The following ESYT3 variants were observed in gnomAD, a reference collection of about 807,000 sequenced individuals.
ESYT3 encodes the protein extended synaptotagmin 3.
In ESYT3, 101 loss-of-function variants were observed where a neutral mutation model predicts 111.5. The observed-to-expected ratio is 0.91, with a 90% CI of 0.77 to 1.07. The LOEUF (loss-of-function observed/expected upper bound fraction) is 1.07. Ranked by LOEUF, ESYT3 falls within the 50% of genes least tolerant of loss-of-function variation. The pLI is 0.00. For missense variants in ESYT3, 1,097 were observed against 1,109.4 expected (o/e 0.99, Z 0.16); for synonymous variants, 416 against 446.8 (o/e 0.93, Z 0.87).
At chr3:138,454,106 T>C (rs1373208016) in intron 2 of ESYT3, among the ~76,000 whole-genome samples, 6 of 152,214 alleles carry the variant, frequency 3.9e-5, no homozygotes, top group Admixed American at 3.9e-4. Flanking sequence ...AACATTAAAA[T>C]GCGTGGTGGT....
rs1576469633 is a variant in ESYT3 at position 138,473,641 on chromosome 3, G to A, written c.2336+7G>A. ...TGCTAATCAATGGCTGCAGGTAAAGGGATTCTAGGGCCAGGGAGGTCCTTT... is the reference window on the plus strand; with the variant it reads ...TGCTAATCAATGGCTGCAGGTAAAGAGATTCTAGGGCCAGGGAGGTCCTTT... On this transcript the variant is annotated splice_region_variant and intron_variant, in intron 19 of 22. Coordinates refer to ENST00000389567, the MANE Select transcript of ESYT3 (RefSeq NM_031913.5). 1 of 1,612,138 alleles carries A rather than the reference G, an allele frequency of 6.2e-7. No individual in the cohort carries two copies. The highest frequency in any genetic ancestry group is 2.2e-5 in the East Asian group (1 of 44,824).
intron 1 of ESYT3, among the ~76,000 whole-genome samples, chr3:138,451,533 G>A (rs1211024447): frequency 6.6e-6 from 1 of 152,250 alleles, no homozygotes; most frequent in Non-Finnish European, 1.5e-5. Context: ...TTTGCAAGGA[G>A]CAACCTGTGT....
At chr3:138,448,081 C>T (rs1168457210) in intron 1 of ESYT3, among the ~76,000 whole-genome samples, 2 of 151,748 alleles carry the variant, frequency 1.3e-5, no homozygotes, top group Non-Finnish European at 2.9e-5. Flanking sequence ...GCCTGGCCAA[C>T]ATGGTGAAAC....
At chr3:138,468,545 T>C (rs1038404459) in intron 12 of ESYT3, 110 bp from the exon 13 acceptor site, 59 of 1,085,034 alleles carry the variant, frequency 5.4e-5, no homozygotes, top group Non-Finnish European at 7.7e-5. Context: ...GCAGCTAGTC[T>C]GGAGTGTGAA....
At chr3:138,460,448 C>T (rs1433620134) in intron 6 of ESYT3, among the ~76,000 whole-genome samples, 163 bp from the exon 7 acceptor site, 1 of 152,184 alleles carries the variant, frequency 6.6e-6, no homozygotes, top group Non-Finnish European at 1.5e-5. Flanking sequence ...GTGGCCTCGC[C>T]TGCCTGACAC....
chr3:138,474,119 T>A (rs992576430), intron 19 of ESYT3, 102 bp from the exon 20 acceptor site: 44 of 1,458,334 alleles, frequency 3.0e-5, no homozygotes, highest in Non-Finnish European at 3.8e-5. Flanking sequence ...TCTCAAATGT[T>A]TGAAGTGTTT....
Position 138,455,250 on chromosome 3 carries a change from G to T in ESYT3, c.426G>T (p.Glu142Asp). The part of the protein sequence containing the change: ...LSMIMESKFR[E>D]KLEPKIREKS... ...TGATCATGGAAAGCAAGTTCCGGGA[G>T]AAACTTGAGCCCAAGATCCGAGAGA... Residue 142 changes from glutamate to aspartate, a missense_variant, in exon 3 of 23, where the codon GAG becomes GAT. By Grantham distance (45) the Glu-to-Asp change is conservative (BLOSUM62 2). Coordinates refer to ENST00000389567, the MANE Select transcript of ESYT3 (RefSeq NM_031913.5). 1 of 1,614,168 alleles carries T rather than the reference G, an allele frequency of 6.2e-7. No individual in the cohort carries two copies. The highest frequency in any genetic ancestry group is 8.5e-7 in the Non-Finnish European group (1 of 1,180,030).
rs2033567276 is a variant in ESYT3, at chr3:138,478,057, T to G, written c.*1203T>G. 6.6e-6 allele frequency: 1 copy of G among 152,202 alleles called. No homozygotes were observed. Among genetic ancestry groups the G allele is most frequent in the Non-Finnish European group, 1.5e-5 (1 of 68,034 alleles). The allele number at this position is 152,202 out of a possible 1,614,324, so 9.4% of individuals were successfully genotyped here. A position where few individuals can be genotyped will look rare whatever the true frequency, so the allele number is the denominator to read the frequency against. ...TCTCAAACCTATTTCCTCTATTAAG[T>G]AAGTCAGTCAATCCATAGTGAAATG... is the stretch of plus-strand genomic sequence containing the variant. On this transcript the variant is annotated 3_prime_UTR_variant, in exon 23 of 23. Transcript: ENST00000389567.
At chr3:138,457,714 T>C in intron 4 of ESYT3, 70 bp downstream of exon 4, 1 of 1,409,994 alleles carries the variant, frequency 7.1e-7, no homozygotes, top group South Asian at 1.2e-5. Context: ...AGTTTGAAGA[T>C]GGAGTAGTAT....
chr3:138,448,825 C>T (rs1307563694), intron 1 of ESYT3, among the ~76,000 whole-genome samples: 1 of 152,186 alleles, frequency 6.6e-6, no homozygotes, highest in Admixed American at 6.5e-5. Flanking sequence ...GCTCTTGCAC[C>T]TCGGCTCACT....
chr3:138,450,314 A>G (rs554858393), intron 1 of ESYT3, among the ~76,000 whole-genome samples: 1 of 152,270 alleles, frequency 6.6e-6, no homozygotes, highest in African/African-American at 2.4e-5. Context: ...CTTGCCTTCC[A>G]TTTGCCTGGT....
rs990142990 is a variant in ESYT3 at position 138,435,811 on chromosome 3, A to G, written c.327+686A>G. ...GTCCTGGCTTACCTAACAAAACCCA[A>G]GTTCTGGGCCCCATTGCATAACTCC... On this transcript the variant is annotated intron_variant, in intron 1 of 22. Coordinates refer to ENST00000389567, the MANE Select transcript of ESYT3 (RefSeq NM_031913.5). The surrounding 1 kb of genome is among the most constrained non-coding windows in gnomAD (Gnocchi z 4.8). Among the ~76,000 whole-genome samples the G allele has an allele frequency of 6.6e-6, 1 of 152,204 alleles. No homozygotes were observed. Among genetic ancestry groups the G allele is most frequent in the South Asian group, 2.1e-4 (1 of 4,830 alleles).
At position 138,468,657 on chromosome 3, in the gene ESYT3, C is replaced by A. The variant is rs531019636; in HGVS notation, c.1311C>A (p.Asp437Glu). 1 of 1,614,050 alleles carries A rather than the reference C, an allele frequency of 6.2e-7. No homozygotes were observed. The highest frequency in any genetic ancestry group is 2.2e-5 in the East Asian group (1 of 44,870). The change falls in exon 13 of 23, where the codon GAC becomes GAA. Residue 437 changes from aspartate (D) to glutamate (E), a missense_variant and splice_region_variant. Transcript: ENST00000389567. ...LLTDQEVLTEDHGGLSTAILV... is the reference protein window; with the variant it reads ...LLTDQEVLTEEHGGLSTAILV... Reference sequence around the variant, plus strand: ...TGAGGGTCTGTGTCTGTTTGCAGGACCATGGTGGCCTTTCCACTGCCATTC... The same window carrying A: ...TGAGGGTCTGTGTCTGTTTGCAGGAACATGGTGGCCTTTCCACTGCCATTC...
At chr3:138,462,338 C>T (rs1436715112) in intron 8 of ESYT3, 132 bp downstream of exon 8, 4 of 1,268,072 alleles carry the variant, frequency 3.2e-6, no homozygotes, top group Middle Eastern at 2.1e-4. Flanking sequence ...GTACAAACAC[C>T]ATCGCCCACG....
chr3:138,468,550 T>C (rs2033052208), intron 12 of ESYT3, 105 bp from the exon 13 acceptor site: 2 of 1,127,292 alleles, frequency 1.8e-6, no homozygotes, highest in African/African-American at 1.5e-5. Flanking sequence ...TAGTCTGGAG[T>C]GTGAAGGCTA....
chr3:138,463,151 G>A (rs932776605), intron 8 of ESYT3, among the ~76,000 whole-genome samples: 2 of 152,088 alleles, frequency 1.3e-5, no homozygotes, highest in Non-Finnish European at 2.9e-5. Context: ...CTGAAATGCA[G>A]TGGCGTGATC....
intron 1 of ESYT3, among the ~76,000 whole-genome samples, chr3:138,446,371 C>T (rs750357443): frequency 2.0e-5 from 3 of 152,324 alleles, no homozygotes; most frequent in Non-Finnish European, 4.4e-5. Context: ...AGTCATGTAA[C>T]CTCTCTGAAC....
At position 138,434,884 on chromosome 3, in the gene ESYT3, G is replaced by T; in HGVS notation, c.86G>T (p.Ser29Ile). The change falls in exon 1 of 23, where the codon AGC becomes ATC. Residue 29 changes from serine to isoleucine, a missense_variant. Physicochemically the swap from Ser to Ile is moderately radical, Grantham distance 142. Coordinates refer to ENST00000389567, the MANE Select transcript of ESYT3 (RefSeq NM_031913.5). The stretch of plus-strand genomic sequence containing the variant: ...CCGGGCCCCGAGCTGCGCCTGTCCA[G>T]CCAGCTGCTGCCCGAGCTCTGTACC... ...RTPGPELRLS[S>I]QLLPELCTFV... The T allele has an allele frequency of 6.4e-7, 1 of 1,550,500 alleles. No individual in the cohort carries two copies. Among genetic ancestry groups the T allele is most frequent in the South Asian group, 1.2e-5 (1 of 83,982 alleles).
intron 1 of ESYT3, among the ~76,000 whole-genome samples, chr3:138,450,037 G>C (rs1053140724): frequency 1.3e-5 from 2 of 152,162 alleles, no homozygotes; most frequent in African/African-American, 4.8e-5. Context: ...TCCCCAACTT[G>C]GGACACCCAG....
Sources: allele counts gnomAD v4.1 joint callset (sites outside exome capture counted in the v4.1 genomes callset), GRCh38; gene constraint gnomAD v4.1.1; non-coding constraint Gnocchi (gnomAD v3.1); transcripts MANE v1.5; gene names NCBI Gene and HGNC (gene_info 2026-07-23, HGNC 2026-07-21).